ZFP2: variants seen among roughly 807,000 people sequenced by gnomAD.
The protein encoded by ZFP2 is zinc finger protein ZFP2.
ZFP2 carries 33 observed loss-of-function variants against 36.1 expected under a neutral mutation model. That is an observed-to-expected ratio of 0.92 (90% confidence interval 0.69 to 1.22). The LOEUF (loss-of-function observed/expected upper bound fraction) is 1.22. Ranked by LOEUF, ZFP2 falls within the 50% of genes most tolerant of loss-of-function variation. The pLI is 0.00. For synonymous variants in ZFP2, 170 were observed against 178.0 expected, an observed-to-expected ratio of 0.96 and a Z score of 0.36; for missense variants, 522 against 551.4, an observed-to-expected ratio of 0.95 and a Z score of 0.53.
chr5:178,923,025 A>G (rs1758592781), intron 4 of ZFP2, among the ~76,000 whole-genome samples: 1 of 149,698 alleles, frequency 6.7e-6, no homozygotes, highest in Admixed American at 6.7e-5. Context: ...CAGAATTTAC[A>G]AATTCACTGC....
At chr5:178,926,153 C>T (rs1758665056) in intron 4 of ZFP2, among the ~76,000 whole-genome samples, 1 of 127,790 alleles carries the variant, frequency 7.8e-6, no homozygotes, top group Non-Finnish European at 1.9e-5. Flanking sequence ...AGCTTTTTAT[C>T]TTTTTTTATG....
chr5:178,927,541 G>A (rs1291792939), intron 4 of ZFP2, among the ~76,000 whole-genome samples: 1 of 150,134 alleles, frequency 6.7e-6, no homozygotes, highest in Non-Finnish European at 1.5e-5. Flanking sequence ...TTGTCGCCCA[G>A]GCTGGAGTGT....
Position 178,932,733 on chromosome 5 carries a change from A to G in ZFP2, c.*34A>G. ...TTCACTGGCCCTTACCTCATGATTA[A>G]CTCTTCAGTAATAATCATATGAGAC... On this transcript the variant is annotated 3_prime_UTR_variant, in exon 5 of 5. Coordinates refer to ENST00000361362, the MANE Select transcript of ZFP2 (RefSeq NM_030613.4). 6.5e-7 allele frequency: 1 copy of G among 1,537,758 alleles called. No individual in the cohort carries two copies. The highest frequency in any genetic ancestry group is 8.7e-7 in the Non-Finnish European group (1 of 1,145,704).
chr5:178,932,039 T>C lies in ZFP2; in HGVS notation c.726T>C (p.Tyr242=), dbSNP rs1262222509. ...HQRTHTGEKP[Y]ECNECGKAFS... ...GAACTCATACAGGAGAAAAACCCTA[T>C]GAATGTAATGAATGTGGAAAAGCCT... Residue 242 remains tyrosine (Y), a synonymous_variant, in exon 5 of 5, where the codon TAT becomes TAC. Coordinates refer to ENST00000361362, the MANE Select transcript of ZFP2 (RefSeq NM_030613.4). 1.9e-6 allele frequency: 3 copies of C among 1,613,932 alleles called. No individual in the cohort carries two copies. The highest frequency in any genetic ancestry group is 1.7e-5 in the Admixed American group (1 of 59,982).
chr5:178,922,913 GAA>G lies in ZFP2; in HGVS notation c.-78+6211_-78+6212del, dbSNP rs540400216. On this transcript the variant is annotated intron_variant, in intron 4 of 4. Coordinates refer to ENST00000361362, the MANE Select transcript of ZFP2 (RefSeq NM_030613.4). ...TAGTTGAAATAAAGTATTTATAATA[GAA>G]AAAAAAATATTGAAAGCTATATAAT... Among the ~76,000 whole-genome samples the G allele has an allele frequency of 2.9e-3, 435 of 147,922 alleles. 12 individuals carry two copies. The highest frequency in any genetic ancestry group is 0.01 in the African/African-American group (425 of 41,020).
intron 4 of ZFP2, among the ~76,000 whole-genome samples, chr5:178,917,898 T>A (rs1476388197): frequency 6.6e-6 from 1 of 152,210 alleles, no homozygotes; most frequent in Non-Finnish European, 1.5e-5. Context: ...CACTGCTGCC[T>A]CAGGGCCTTA....
chr5:178,912,517 T>C (rs983163409), intron 1 of ZFP2, 67 bp from the exon 2 acceptor site: 6 of 300,076 alleles, frequency 2.0e-5, no homozygotes, highest in African/African-American at 4.5e-5. Flanking sequence ...GTCCTTTCAG[T>C]GCTGCTGGGA....
intron 4 of ZFP2, among the ~76,000 whole-genome samples, chr5:178,926,644 GT>G (rs1758678639): frequency 6.6e-6 from 1 of 152,156 alleles, no homozygotes. Flanking sequence ...AGCCTCCTGA[GT>G]AGCTGGGACT....
In ZFP2 at chr5:178,931,529, GC is replaced by G. The variant is rs1255907938; in HGVS notation, c.220del (p.His74IlefsTer16). The G allele has an allele frequency of 6.2e-7, 1 of 1,614,088 alleles. No homozygotes were observed. Among genetic ancestry groups the G allele is most frequent in the East Asian group, 2.2e-5 (1 of 44,864 alleles). ...TQQSIPMVKR[P>X]HNCNSHGEDA... ...AGCAAAGCATTCCTATGGTAAAAAG[GC>G]CCCATAACTGTAATTCACATGGAGA... On this transcript the variant is annotated frameshift_variant, in exon 5 of 5. Transcript: ENST00000361362. LOFTEE classifies it high-confidence loss of function.
chr5:178,928,472 C>T (rs1490600274), intron 4 of ZFP2, among the ~76,000 whole-genome samples: 1 of 152,064 alleles, frequency 6.6e-6, no homozygotes, highest in Non-Finnish European at 1.5e-5. Context: ...GAACTCTCTG[C>T]CAAAAGAAAG....
At chr5:178,931,151 G>C (rs1414580107) in intron 4 of ZFP2, 86 bp from the exon 5 acceptor site, 1 of 1,368,342 alleles carries the variant, frequency 7.3e-7, no homozygotes, top group Non-Finnish European at 9.5e-7. Flanking sequence ...TTGATAGCTA[G>C]TTTAATTCTC....
At chr5:178,920,654 T>C (rs1487832024) in intron 4 of ZFP2, among the ~76,000 whole-genome samples, 1 of 151,484 alleles carries the variant, frequency 6.6e-6, no homozygotes, top group Non-Finnish European at 1.5e-5. Flanking sequence ...AAAAAAAAAT[T>C]GTATATTTTT....
At chr5:178,920,968 T>C (rs1758548938) in intron 4 of ZFP2, among the ~76,000 whole-genome samples, 1 of 152,228 alleles carries the variant, frequency 6.6e-6, no homozygotes, top group African/African-American at 2.4e-5. Flanking sequence ...TTGATATTTC[T>C]GTGTTAGCAG....
intron 4 of ZFP2, among the ~76,000 whole-genome samples, chr5:178,925,859 A>G (rs757889547): frequency 1.3e-5 from 2 of 148,328 alleles, no homozygotes; most frequent in African/African-American, 4.9e-5. Flanking sequence ...TTTTATTTTT[A>G]TATTTTGAGA....
chr5:178,925,932 T>C (rs2113118016), intron 4 of ZFP2, among the ~76,000 whole-genome samples: 1 of 148,910 alleles, frequency 6.7e-6, no homozygotes, highest in South Asian at 2.1e-4. Context: ...ACTGCAGACT[T>C]GAACTCCCGG....
chr5:178,918,220 A>G (rs751477674), intron 4 of ZFP2, among the ~76,000 whole-genome samples: 2 of 152,114 alleles, frequency 1.3e-5, no homozygotes, highest in Admixed American at 6.5e-5. Context: ...ACCTGGCTTG[A>G]TAAGTATTTA....
intron 2 of ZFP2, 121 bp downstream of exon 2, chr5:178,912,840 G>A (rs759938370): frequency 3.0e-5 from 27 of 903,410 alleles, no homozygotes; most frequent in Non-Finnish European, 3.6e-5. Context: ...GAAATTTTCT[G>A]TAGAGAATGG....
intron 3 of ZFP2, among the ~76,000 whole-genome samples, 176 bp downstream of exon 3, chr5:178,913,247 G>T (rs906117872): frequency 2.9e-4 from 44 of 152,198 alleles, no homozygotes; most frequent in African/African-American, 8.4e-4. Flanking sequence ...CTTGCAGGGA[G>T]GTGGTGGATT....
intron 1 of ZFP2, among the ~76,000 whole-genome samples, chr5:178,896,466 T>A (rs1757942846): frequency 6.6e-6 from 1 of 152,200 alleles, no homozygotes; most frequent in Non-Finnish European, 1.5e-5. Flanking sequence ...GGTCTCCCTG[T>A]GCAGCATCTG....
Sources: allele counts gnomAD v4.1 joint callset (sites outside exome capture counted in the v4.1 genomes callset), GRCh38; gene constraint gnomAD v4.1.1; transcripts MANE v1.5; gene names NCBI Gene and HGNC (gene_info 2026-07-23, HGNC 2026-07-21).